Variants in PTPN11 observed in about 807,000 individuals in gnomAD.
PTPN11 encodes the protein tyrosine-protein phosphatase non-receptor type 11.
A neutral mutation model predicts 78.8 loss-of-function variants in PTPN11; 6 were observed. The ratio of observed to expected loss-of-function variants is 0.08; its 90% CI spans 0.04 to 0.15. The LOEUF is 0.15. PTPN11 is among the 10% of genes least tolerant of loss of function. The pLI is 1.00. For missense variants in PTPN11, 386 were observed against 744.8 expected (o/e 0.52, Z 5.61); for synonymous variants, 221 against 263.5 (o/e 0.84, Z 1.56).
Position 112,477,964 on chromosome 12 carries a change from A to G in PTPN11, c.1041A>G (p.Gln347=), listed in dbSNP as rs766297596. The G allele has an allele frequency of 4.3e-6, 7 of 1,614,188 alleles. No individual in the cohort carries two copies. The Admixed American group carries it at 8.3e-5, about 19-fold the overall frequency. The change falls in exon 9 of 16, where the codon CAA becomes CAG. Residue 347 remains glutamine (Q), a synonymous_variant. Transcript: ENST00000351677. The part of the protein sequence containing the change: ...TVNDFWRMVF[Q]ENSRVIVMTT... Reference sequence around the variant, plus strand: ...ATGACTTTTGGCGGATGGTGTTCCAAGAAAACTCCCGAGTGATTGTCATGA... The same window carrying G: ...ATGACTTTTGGCGGATGGTGTTCCAGGAAAACTCCCGAGTGATTGTCATGA...
intron 1 of PTPN11, among the ~76,000 whole-genome samples, chr12:112,429,213 A>C (rs747012900): frequency 1.4e-4 from 21 of 152,264 alleles, no homozygotes; most frequent in Non-Finnish European, 2.1e-4. Flanking sequence ...CAATAATAAT[A>C]ATGTTAATAA....
At chr12:112,486,948 A>G in intron 11 of PTPN11, 9 of 1,315,568 alleles carry the variant, frequency 6.8e-6, no homozygotes, top group East Asian at 6.3e-5. Flanking sequence ...CTTATTCTTC[A>G]TGATGTTTGC....
chr12:112,481,262 G>A (rs1380362099), intron 9 of PTPN11, among the ~76,000 whole-genome samples: 1 of 152,182 alleles, frequency 6.6e-6, no homozygotes, highest in Non-Finnish European at 1.5e-5. Context: ...TCCAGAATCT[G>A]TGCTTGCCTT....
intron 13 of PTPN11, among the ~76,000 whole-genome samples, chr12:112,492,509 A>G (rs1352643988): frequency 6.7e-6 from 1 of 149,682 alleles, no homozygotes; most frequent in Non-Finnish European, 1.5e-5. Context: ...TAAATTACCT[A>G]TTTCTCATAA....
intron 13 of PTPN11, among the ~76,000 whole-genome samples, chr12:112,491,797 T>G (rs1592856374): frequency 6.6e-6 from 1 of 152,110 alleles, no homozygotes; most frequent in South Asian, 2.1e-4. Flanking sequence ...CTTGACCTCC[T>G]TGGGCTCAGG....
chr12:112,428,061 T>A (rs968240513), intron 1 of PTPN11, among the ~76,000 whole-genome samples: 4 of 152,202 alleles, frequency 2.6e-5, no homozygotes, highest in Non-Finnish European at 5.9e-5. Context: ...CATCAGTGTC[T>A]TTTTATCCTT....
intron 7 of PTPN11, 83 bp downstream of exon 7, chr12:112,473,123 G>T: frequency 8.4e-7 from 1 of 1,188,024 alleles, no homozygotes; most frequent in Non-Finnish European, 1.2e-6. Context: ...TCAGGGTCGT[G>T]TGCTCTTGTT....
chr12:112,504,711 G>C lies in PTPN11; in HGVS notation c.1729G>C (p.Ala577Pro). The C allele has an allele frequency of 6.3e-7, 1 of 1,586,772 alleles. No individual in the cohort carries two copies. ...TCTCTCCAGAATGAGAGAAGACAGT[G>C]CTAGAGTCTATGAAAACGTGGGCCT... is the stretch of plus-strand genomic sequence containing the variant. ...PPCAEMREDSARVYENVGLMQ... is the reference protein window; with the variant it reads ...PPCAEMREDSPRVYENVGLMQ... Residue 577 changes from alanine (A) to proline (P), a missense_variant, in exon 15 of 16, where the codon GCT becomes CCT. Around this residue, in one of 3 missense-constraint regions of PTPN11, gnomAD observed 44 missense variants for 59.3 expected, o/e 0.74. Transcript: ENST00000351677. This position sits in a 1 kb window ranked among gnomAD's most constrained non-coding sequence, Gnocchi z 4.7.
intron 1 of PTPN11, among the ~76,000 whole-genome samples, chr12:112,429,341 A>G (rs2037674248): frequency 6.6e-6 from 1 of 152,198 alleles, no homozygotes; most frequent in African/African-American, 2.4e-5. Flanking sequence ...ACAGGATAGC[A>G]TAATTGTAAG....
intron 9 of PTPN11, among the ~76,000 whole-genome samples, chr12:112,479,813 G>T (rs143675767): frequency 1.6e-4 from 25 of 152,254 alleles, no homozygotes; most frequent in Non-Finnish European, 3.5e-4. Context: ...GGATAGACAG[G>T]CATTAGGGCC....
At chr12:112,449,376 G>A (rs1034835131) in intron 2 of PTPN11, among the ~76,000 whole-genome samples, 49 of 151,544 alleles carry the variant, frequency 3.2e-4, no homozygotes, top group African/African-American at 9.9e-4. Context: ...GCGTCGTGGC[G>A]GGCGCCTGTA....
At position 112,502,192 on chromosome 12, in the gene PTPN11, G is replaced by A. The variant is rs1048909771; in HGVS notation, c.1648G>A (p.Ala550Thr). ...HEYTNIKYSL[A>T]DQTSGDQSPL... ...ATATACAAATATTAAGTATTCTCTA[G>A]CGGACCAGACGAGTGGAGATCAGAG... Residue 550 changes from alanine to threonine, a missense_variant, in exon 14 of 16, where the codon GCG (alanine) becomes ACG (threonine). Ala to Thr is a moderately conservative substitution (Grantham distance 58). This residue lies in a region of PTPN11 where 44 missense variants were observed against 59.3 expected (regional missense o/e 0.74). Coordinates refer to ENST00000351677, the MANE Select transcript of PTPN11 (RefSeq NM_002834.5). The A allele has an allele frequency of 6.2e-7, 1 of 1,613,788 alleles. No homozygotes were observed. Among genetic ancestry groups the A allele is most frequent in the Admixed American group, 1.7e-5 (1 of 59,982 alleles).
At chr12:112,452,888 C>T (rs1006768869) in intron 3 of PTPN11, among the ~76,000 whole-genome samples, 12 of 151,804 alleles carry the variant, frequency 7.9e-5, no homozygotes, top group Non-Finnish European at 8.8e-5. Flanking sequence ...GGGCAATGGA[C>T]GAATGGCAAA....
At chr12:112,495,719 C>G (rs2038805756) in intron 13 of PTPN11, among the ~76,000 whole-genome samples, 2 of 152,188 alleles carry the variant, frequency 1.3e-5, no homozygotes, top group Middle Eastern at 3.2e-3. Flanking sequence ...ACAGCTTAGC[C>G]TAGCCTGCCT....
chr12:112,450,609 G>A, intron 3 of PTPN11, 97 bp downstream of exon 3: 1 of 1,180,910 alleles, frequency 8.5e-7, no homozygotes, highest in Non-Finnish European at 1.3e-6. Context: ...TGACTCCAAA[G>A]GCTTGTGACT....
At chr12:112,502,027 T>C in intron 13 of PTPN11, 117 bp from the exon 14 acceptor site, 2 of 759,972 alleles carry the variant, frequency 2.6e-6, no homozygotes, top group Non-Finnish European at 4.6e-6. Context: ...TCAACCCGTC[T>C]ATCAATTTTT....
intron 1 of PTPN11, among the ~76,000 whole-genome samples, chr12:112,436,097 G>T (rs1189024060): frequency 1.3e-5 from 2 of 152,076 alleles, no homozygotes; most frequent in Non-Finnish European, 2.9e-5. Flanking sequence ...GGCACAGAAT[G>T]TCAAAGAATA....
Position 112,419,034 on chromosome 12 carries a change from G to A in PTPN11, c.-78G>A. On this transcript the variant is annotated 5_prime_UTR_variant, in exon 1 of 16. Transcript: ENST00000351677. ...TCCGGTCCCGAGCGGGCCTCCCTCG[G>A]GCCAGCCCGATGTGACCGAGCCCAG... The A allele has an allele frequency of 1.3e-6, 2 of 1,527,204 alleles. 1 individual carries two copies. The highest frequency in any genetic ancestry group is 2.4e-5 in the South Asian group (2 of 82,830). 94.6% of individuals were successfully genotyped at this position (1,527,204 alleles called of 1,614,324 possible).
chr12:112,461,465 A>G (rs1039551666), intron 6 of PTPN11, among the ~76,000 whole-genome samples: 1 of 151,594 alleles, frequency 6.6e-6, no homozygotes, highest in Admixed American at 6.6e-5. Context: ...AGTTGGGACC[A>G]CAGGTGCATG....
Sources: allele counts gnomAD v4.1 joint callset (sites outside exome capture counted in the v4.1 genomes callset), GRCh38; gene constraint gnomAD v4.1.1; regional missense constraint gnomAD v4.1.1; non-coding constraint Gnocchi (gnomAD v3.1); transcripts MANE v1.5; gene names NCBI Gene and HGNC (gene_info 2026-07-23, HGNC 2026-07-21).